FANCI: variants seen among roughly 807,000 people sequenced by gnomAD.
FANCI encodes the protein FA complementation group I, also known as Fanconi anemia group I protein.
FANCI carries 156 observed loss-of-function variants against 176.1 expected under a neutral mutation model. That is an observed-to-expected ratio of 0.89 (90% CI 0.78 to 1.01). FANCI has a LOEUF of 1.01. FANCI is among the 50% of genes least tolerant of loss of function. The pLI is 0.00. For missense variants in FANCI, 1,678 were observed against 1,534.1 expected (o/e 1.09, Z -1.57); for synonymous variants, 613 against 541.7 (o/e 1.13, Z -1.83).
At chr15:89,250,266 T>C (rs1272327174) in intron 2 of FANCI, among the ~76,000 whole-genome samples, 1 of 152,116 alleles carries the variant, frequency 6.6e-6, no homozygotes, top group Non-Finnish European at 1.5e-5. Context: ...GCGGCACTAT[T>C]CACAATAGCA....
intron 14 of FANCI, 64 bp downstream of exon 14, chr15:89,278,838 T>TAA: frequency 7.0e-7 from 1 of 1,422,476 alleles, no homozygotes; most frequent in Non-Finnish European, 9.9e-7. Context: ...GTCATAATCA[T>TAA]TTGGTCCTGG....
chr15:89,258,572 T>C (rs1039361336), intron 2 of FANCI, 132 bp from the exon 3 acceptor site: 1 of 761,430 alleles, frequency 1.3e-6, no homozygotes. Flanking sequence ...GTCTAAAAAT[T>C]ATGGTGTTTG....
chr15:89,316,865 A>G lies in FANCI; in HGVS notation c.*406A>G, dbSNP rs2055285418. 3 of 1,450,420 alleles carry G rather than the reference A, an allele frequency of 2.1e-6. No homozygotes were observed. The South Asian group carries it at 3.4e-5, about 17-fold the overall frequency. The allele number at this position is 1,450,420 out of a possible 1,614,324, so 89.8% of individuals were successfully genotyped here. ...GCAAATTGGTTAGGATGCCACCTCA[A>G]GAACTGTAACTGAGAGCTCAGAAGT... On this transcript the variant is annotated 3_prime_UTR_variant, in exon 38 of 38. Transcript: ENST00000310775.
chr15:89,293,644 C>T (rs1346630717), intron 22 of FANCI, among the ~76,000 whole-genome samples, 189 bp from the exon 23 acceptor site: 1 of 152,134 alleles, frequency 6.6e-6, no homozygotes, highest in Admixed American at 6.5e-5. Context: ...GCCAAGGTCA[C>T]ACCAGGGGAA....
chr15:89,250,808 C>G (rs531264815), intron 2 of FANCI, among the ~76,000 whole-genome samples: 5 of 150,836 alleles, frequency 3.3e-5, no homozygotes, highest in African/African-American at 1.2e-4. Flanking sequence ...AACAAAAATA[C>G]TACATGTTAA....
At chr15:89,308,968 C>T (rs1479607242) in intron 34 of FANCI, among the ~76,000 whole-genome samples, 1 of 151,636 alleles carries the variant, frequency 6.6e-6, no homozygotes, top group African/African-American at 2.4e-5. Flanking sequence ...AATAAAGAAT[C>T]AGCCATCAAG....
Position 89,316,832 on chromosome 15 carries a change from A to G in FANCI, c.*373A>G. On this transcript the variant is annotated 3_prime_UTR_variant, in exon 38 of 38. Coordinates refer to ENST00000310775, the MANE Select transcript of FANCI (RefSeq NM_001113378.2). ...GGTAAATATCCAGCGCTTCACCTGA[A>G]AGATAGTGCAAATTGGTTAGGATGC... is the stretch of plus-strand genomic sequence containing the variant. 2.5e-6 allele frequency: 4 copies of G among 1,610,736 alleles called. No homozygotes were observed. Among genetic ancestry groups the G allele is most frequent in the Non-Finnish European group, 3.4e-6 (4 of 1,176,898 alleles).
chr15:89,245,574 G>A (rs1164405928), intron 1 of FANCI, among the ~76,000 whole-genome samples: 3 of 151,776 alleles, frequency 2.0e-5, no homozygotes, highest in African/African-American at 7.3e-5. Context: ...AAGATTGGGG[G>A]GCAGTGGATG....
Position 89,307,546 on chromosome 15 carries a change from T to C in FANCI, c.3591+17T>C. The C allele has an allele frequency of 1.2e-6, 2 of 1,614,208 alleles. No homozygotes were observed. Among genetic ancestry groups the C allele is most frequent in the Non-Finnish European group, 1.7e-6 (2 of 1,180,030 alleles). On this transcript the variant is annotated intron_variant, in intron 33 of 37. Transcript: ENST00000310775. ...GAAAAGCTGGTGAGTTGAGAATGCC[T>C]TTCCTAGGAATGGGGGAAGCACTTT...
chr15:89,312,924 C>A lies in FANCI; in HGVS notation c.3672C>A (p.Asn1224Lys), dbSNP rs749462834. 1 of 1,613,552 alleles carries A rather than the reference C, an allele frequency of 6.2e-7. No individual in the cohort carries two copies. The highest frequency in any genetic ancestry group is 1.1e-5 in the South Asian group (1 of 91,050). The change falls in exon 35 of 38, where the codon AAC becomes AAA. Residue 1224 changes from asparagine (N) to lysine (K), a missense_variant. Asn to Lys is a moderately conservative substitution (Grantham distance 94). Coordinates refer to ENST00000310775, the MANE Select transcript of FANCI (RefSeq NM_001113378.2). ...TTTAGAATAAGAGTAAGAGCCTGAACTATACGGGAGAGAAAAAGGAGAAAC... is the reference window on the plus strand; with the variant it reads ...TTTAGAATAAGAGTAAGAGCCTGAAATATACGGGAGAGAAAAAGGAGAAAC... ...SYVQNKSKSLNYTGEKKEKPA... is the reference protein window; with the variant it reads ...SYVQNKSKSLKYTGEKKEKPA...
rs780439140 is a variant in FANCI at position 89,305,400 on chromosome 15, C to T, written c.3246C>T (p.Pro1082=). ...TAGTGAATTTGAGAACGGCTGCCCCCACTGTCTGTGTAAGTGTTGTACCTG... is the reference window on the plus strand; with the variant it reads ...TAGTGAATTTGAGAACGGCTGCCCCTACTGTCTGTGTAAGTGTTGTACCTG... ...FAIVNLRTAA[P]TVCLLVLSQA... The change falls in exon 30 of 38, where the codon CCC becomes CCT. Residue 1082 remains proline, a synonymous_variant. Transcript: ENST00000310775. 3.1e-6 allele frequency: 5 copies of T among 1,613,500 alleles called. No individual in the cohort carries two copies. The South Asian group carries it at 3.3e-5, about 11-fold the overall frequency.
At chr15:89,271,413 C>G (rs940756142) in intron 10 of FANCI, among the ~76,000 whole-genome samples, 3 of 152,104 alleles carry the variant, frequency 2.0e-5, no homozygotes, top group Non-Finnish European at 4.4e-5. Flanking sequence ...GATATGTGGT[C>G]TTTTGTGTAT....
chr15:89,294,035 C>T, intron 23 of FANCI, 38 bp downstream of exon 23: 5 of 1,611,020 alleles, frequency 3.1e-6, no homozygotes, highest in Non-Finnish European at 4.2e-6. Context: ...CAGCCACTCC[C>T]TGAGGATCGT....
rs751926929 is a variant in FANCI, at chr15:89,281,159, C to G, written c.1382-11C>G. ...TATTTGAGACAACTGATTATAGATTCTGTTTTTCAGACCTGCTTTCAAATA... is the reference window on the plus strand; with the variant it reads ...TATTTGAGACAACTGATTATAGATTGTGTTTTTCAGACCTGCTTTCAAATA... On this transcript the variant is annotated splice_polypyrimidine_tract_variant and intron_variant, in intron 14 of 37. Transcript: ENST00000310775. 3 of 1,612,656 alleles carry G rather than the reference C, an allele frequency of 1.9e-6. No homozygotes were observed. Among genetic ancestry groups the G allele is most frequent in the South Asian group, 2.2e-5 (2 of 90,972 alleles).
chr15:89,310,370 A>G (rs1055541596), intron 34 of FANCI, among the ~76,000 whole-genome samples: 4 of 152,248 alleles, frequency 2.6e-5, no homozygotes, highest in African/African-American at 7.2e-5. Context: ...ACTTGTTGAC[A>G]TGTAAAATGT....
intron 2 of FANCI, among the ~76,000 whole-genome samples, chr15:89,256,925 G>T (rs373955952): frequency 5.5e-4 from 83 of 151,342 alleles, no homozygotes; most frequent in African/African-American, 2.0e-3. Context: ...GTTTTTTTTT[G>T]ATATGGAGTC....
At chr15:89,254,843 G>C (rs2052425613) in intron 2 of FANCI, among the ~76,000 whole-genome samples, 1 of 152,062 alleles carries the variant, frequency 6.6e-6, no homozygotes, top group Non-Finnish European at 1.5e-5. Flanking sequence ...TGAATACATG[G>C]GTAGAAAGGA....
intron 24 of FANCI, among the ~76,000 whole-genome samples, chr15:89,299,007 C>T (rs773235688): frequency 6.6e-6 from 1 of 151,840 alleles, no homozygotes; most frequent in Non-Finnish European, 1.5e-5. Flanking sequence ...CCCAGCTCTA[C>T]TAAAAAAAAT....
rs746458285 is a variant in FANCI, at chr15:89,295,000, C to G, written c.2542C>G (p.Gln848Glu). 1 of 1,552,310 alleles carries G rather than the reference C, an allele frequency of 6.4e-7. No individual in the cohort carries two copies. Among genetic ancestry groups the G allele is most frequent in the South Asian group, 1.2e-5 (1 of 84,050 alleles). The change falls in exon 24 of 38, where the codon CAG becomes GAG. Residue 848 changes from glutamine (Q) to glutamate (E), a missense_variant. By Grantham distance (29) the Gln-to-Glu change is conservative. Around this residue, in one of 3 missense-constraint regions of FANCI, gnomAD observed 1,204 missense variants for 1,077.4 expected, o/e 1.12. Coordinates refer to ENST00000310775, the MANE Select transcript of FANCI (RefSeq NM_001113378.2). ...FMRYAVNVAL[Q>E]KVQQLKETGH... ...GCGCTATGCAGTGAATGTAGCTCTG[C>G]AGAAAGTACAGCAGCTAAAGGAAAC...
Sources: gnomAD v4.1 joint callset for allele counts (sites outside exome capture counted in the v4.1 genomes callset) on GRCh38, gnomAD v4.1.1 for gene constraint, gnomAD v4.1.1 regional missense constraint, MANE v1.5 for transcripts, NCBI Gene and HGNC (gene_info 2026-07-23, HGNC 2026-07-21) for gene names.